The following DPP10 variants were observed in gnomAD, a reference collection of about 807,000 sequenced individuals.
DPP10 encodes dipeptidyl peptidase like 10.
A neutral mutation model predicts 120.9 loss-of-function variants in DPP10; 33 were observed. That is an observed-to-expected ratio of 0.27 (90% CI 0.21 to 0.37). DPP10 has a LOEUF of 0.37. Ranked by LOEUF, DPP10 falls within the 10% of genes least tolerant of loss-of-function variation. DPP10 has a pLI of 1.00. For synonymous variants in DPP10, 337 were observed against 326.1 expected, an observed-to-expected ratio of 1.03 and a Z score of -0.36; for missense variants, 816 against 942.8, an observed-to-expected ratio of 0.87 and a Z score of 1.76.
chr2:115,750,605 C>T (rs1162045781), intron 10 of DPP10, among the ~76,000 whole-genome samples: 1 of 152,128 alleles, frequency 6.6e-6, no homozygotes, highest in South Asian at 2.1e-4. Flanking sequence ...TAAAAACAGA[C>T]ACAATAATCA....
At chr2:115,083,569 C>A (rs1436660810) in intron 1 of DPP10, among the ~76,000 whole-genome samples, 2 of 152,216 alleles carry the variant, frequency 1.3e-5, no homozygotes, top group East Asian at 1.9e-4. Flanking sequence ...GGCCTTCCTT[C>A]TCTCTCTTTT....
At chr2:114,982,751 C>G (rs945326279) in intron 1 of DPP10, among the ~76,000 whole-genome samples, 1 of 151,824 alleles carries the variant, frequency 6.6e-6, no homozygotes, top group African/African-American at 2.4e-5. Context: ...TAGTCGCATG[C>G]CACCATGCCT....
chr2:114,840,873 C>A (rs1304279111), intron 1 of DPP10, among the ~76,000 whole-genome samples: 2 of 152,112 alleles, frequency 1.3e-5, no homozygotes, highest in South Asian at 4.1e-4. Flanking sequence ...GAATCTTGGG[C>A]AGATGGATTT....
intron 1 of DPP10, among the ~76,000 whole-genome samples, chr2:115,093,697 G>T (rs1709473078): frequency 6.6e-6 from 1 of 151,950 alleles, no homozygotes; most frequent in African/African-American, 2.4e-5. Flanking sequence ...ACTCATAAGT[G>T]GTGGGCCATT....
chr2:115,204,725 T>C (rs142767220), intron 1 of DPP10, among the ~76,000 whole-genome samples: 26 of 152,274 alleles, frequency 1.7e-4, no homozygotes, highest in African/African-American at 6.0e-4. Context: ...TTCTGTCAGA[T>C]AGTGACAGCT....
chr2:115,031,165 C>A (rs1454643066), intron 1 of DPP10, among the ~76,000 whole-genome samples: 1 of 151,230 alleles, frequency 6.6e-6, no homozygotes, highest in African/African-American at 2.4e-5. Context: ...TTTTTTTCCT[C>A]AGGAAAAATA....
Position 114,874,956 on chromosome 2 carries a change from A to G in DPP10, c.60+432118A>G, listed in dbSNP as rs138235591. On this transcript the variant is annotated intron_variant, in intron 1 of 25. Transcript: ENST00000410059. ...AGTGGTTTCTTTGCTGTTCAGGTAT[A>G]TGCCAGGTTCAACAGTTCCCAATGT... Among the ~76,000 whole-genome samples the G allele has an allele frequency of 2.3e-3, 344 of 152,256 alleles. 1 individual carries two copies. The highest frequency in any genetic ancestry group is 3.3e-3 in the Non-Finnish European group (225 of 68,010).
intron 1 of DPP10, among the ~76,000 whole-genome samples, chr2:114,698,582 T>G (rs1700200747): frequency 6.6e-6 from 1 of 152,108 alleles, no homozygotes; most frequent in Non-Finnish European, 1.5e-5. Context: ...CCAGAACACG[T>G]GAGATCAGGG....
rs1052788433 is a variant in DPP10 at position 114,989,237 on chromosome 2, T to C, written c.61-320002T>C. Among the ~76,000 whole-genome samples, 11 of 152,322 alleles carry C rather than the reference T, an allele frequency of 7.2e-5. No individual in the cohort carries two copies. The Middle Eastern group carries it at 0.01, about 141-fold the overall frequency. ...GTGGTTAATAACACTTCTCAGTTCATAGGACATTGTCATCAGGGGTCTATG... is the reference window on the plus strand; with the variant it reads ...GTGGTTAATAACACTTCTCAGTTCACAGGACATTGTCATCAGGGGTCTATG... On this transcript the variant is annotated intron_variant, in intron 1 of 25. Transcript: ENST00000410059.
intron 1 of DPP10, among the ~76,000 whole-genome samples, chr2:114,878,475 G>T (rs1452456383): frequency 1.3e-5 from 2 of 152,040 alleles, no homozygotes; most frequent in East Asian, 3.9e-4. Flanking sequence ...TATTCATGAA[G>T]TTATTCCTAA....
intron 1 of DPP10, among the ~76,000 whole-genome samples, chr2:114,930,432 G>A (rs1254642825): frequency 6.6e-6 from 1 of 152,156 alleles, no homozygotes; most frequent in South Asian, 2.1e-4. Context: ...CCTTAGAACA[G>A]CATTCTTAAA....
At chr2:114,808,934 A>C (rs926350720) in intron 1 of DPP10, among the ~76,000 whole-genome samples, 3 of 152,104 alleles carry the variant, frequency 2.0e-5, no homozygotes, top group African/African-American at 7.2e-5. Context: ...TATCTTTTTT[A>C]TATGCTTGTT....
intron 1 of DPP10, among the ~76,000 whole-genome samples, chr2:114,924,779 C>CA (rs1393454098): frequency 7.3e-5 from 11 of 150,190 alleles, no homozygotes; most frequent in South Asian, 2.1e-4. Context: ...CAAAACACAG[C>CA]AAAAAAAAGA....
intron 3 of DPP10, among the ~76,000 whole-genome samples, chr2:115,476,178 A>G (rs1435426765): frequency 2.0e-5 from 3 of 152,158 alleles, no homozygotes; most frequent in Non-Finnish European, 2.9e-5. Context: ...TGCTGGACCT[A>G]AAGCCTGATT....
chr2:115,066,254 T>C (rs1187599649), intron 1 of DPP10, among the ~76,000 whole-genome samples: 1 of 152,194 alleles, frequency 6.6e-6, no homozygotes, highest in African/African-American at 2.4e-5. Flanking sequence ...TTGCCAATTA[T>C]ATTGTAATTA....
At chr2:115,516,266 T>C (rs1363258789) in intron 4 of DPP10, among the ~76,000 whole-genome samples, 1 of 152,152 alleles carries the variant, frequency 6.6e-6, no homozygotes, top group Non-Finnish European at 1.5e-5. Flanking sequence ...TCTTGATTGT[T>C]TCTTATTGTC....
At chr2:115,789,381 G>T (rs1683695644) in intron 17 of DPP10, among the ~76,000 whole-genome samples, 1 of 151,938 alleles carries the variant, frequency 6.6e-6, no homozygotes, top group African/African-American at 2.4e-5. Context: ...ACACCTCAAA[G>T]GAGTTTTTAA....
intron 1 of DPP10, among the ~76,000 whole-genome samples, chr2:114,983,617 A>G (rs1043441250): frequency 4.6e-5 from 7 of 152,174 alleles, no homozygotes; most frequent in Admixed American, 2.6e-4. Context: ...CATGAGTTAT[A>G]TAAAACTCAG....
chr2:114,727,470 T>C (rs1382110456), intron 1 of DPP10, among the ~76,000 whole-genome samples: 2 of 152,158 alleles, frequency 1.3e-5, no homozygotes, highest in Non-Finnish European at 2.9e-5. Context: ...CAGGTTGTTT[T>C]TAAAGGATAA....
Sources: gnomAD v4.1 joint callset for allele counts (sites outside exome capture counted in the v4.1 genomes callset) on GRCh38, gnomAD v4.1.1 for gene constraint, MANE v1.5 for transcripts, NCBI Gene and HGNC (gene_info 2026-07-23, HGNC 2026-07-21) for gene names.